The following AADACL4 variants were observed in gnomAD, a reference collection of about 807,000 sequenced individuals.
The protein encoded by AADACL4 is arylacetamide deacetylase like 4.
A neutral mutation model predicts 14.1 loss-of-function variants in AADACL4; 9 were observed. The observed-to-expected ratio is 0.64, with a 90% CI of 0.39 to 1.12. The LOEUF (loss-of-function observed/expected upper bound fraction) is 1.12. Ranked by LOEUF, AADACL4 falls within the 50% of genes most tolerant of loss-of-function variation. AADACL4 has a pLI of 0.01. For synonymous variants in AADACL4, 188 were observed against 201.6 expected (o/e 0.93, Z 0.57); for missense variants, 531 against 516.1 (o/e 1.03, Z -0.28).
At chr1:12,654,697 C>T (rs937199912) in intron 2 of AADACL4, among the ~76,000 whole-genome samples, 1 of 152,180 alleles carries the variant, frequency 6.6e-6, no homozygotes, top group African/African-American at 2.4e-5. Context: ...GCAAAAATCT[C>T]AGGATAAGGT....
intron 1 of AADACL4, among the ~76,000 whole-genome samples, chr1:12,647,963 C>T (rs113553415): frequency 0.073 from 11,091 of 151,664 alleles, 661 homozygotes; most frequent in African/African-American, 0.16. Flanking sequence ...CAGCCACTAT[C>T]GCTTTTCTGT....
chr1:12,650,167 ACT>A (rs1647136378), intron 1 of AADACL4, among the ~76,000 whole-genome samples: 1 of 152,150 alleles, frequency 6.6e-6, no homozygotes, highest in East Asian at 1.9e-4. Flanking sequence ...ACAAAGACAC[ACT>A]CCAAATGTGA....
chr1:12,666,192 A>C lies in AADACL4; in HGVS notation c.681A>C (p.Ala227=). The C allele has an allele frequency of 6.2e-7, 1 of 1,614,274 alleles. No individual in the cohort carries two copies. The highest frequency in any genetic ancestry group is 8.5e-7 in the Non-Finnish European group (1 of 1,180,050). ...AQVLIYPVVQ[A]FCLQLPSFQQ... is the part of the protein sequence containing the mutation. ...TTCTGATTTATCCAGTTGTCCAGGC[A>C]TTCTGTTTGCAGTTGCCATCCTTTC... is the stretch of plus-strand genomic sequence containing the variant. The change falls in exon 4 of 4, where the codon GCA becomes GCC. Residue 227 remains alanine (A), a synonymous_variant. Transcript: ENST00000376221.
intron 1 of AADACL4, among the ~76,000 whole-genome samples, chr1:12,645,646 G>A (rs890615016): frequency 5.3e-5 from 8 of 152,142 alleles, no homozygotes; most frequent in East Asian, 1.9e-4. Context: ...GGGCTCAAGC[G>A]ATCCTTTCCA....
chr1:12,651,699 T>C (rs953051249), intron 2 of AADACL4, among the ~76,000 whole-genome samples: 2 of 152,080 alleles, frequency 1.3e-5, no homozygotes, highest in African/African-American at 2.4e-5. Context: ...CCTCTAGCTC[T>C]GCAGTATCAT....
chr1:12,652,228 G>A (rs1049445030), intron 2 of AADACL4, among the ~76,000 whole-genome samples: 5 of 152,026 alleles, frequency 3.3e-5, no homozygotes, highest in Admixed American at 6.6e-5. Context: ...AGCCTCACCC[G>A]GGTCACCTGT....
intron 2 of AADACL4, among the ~76,000 whole-genome samples, chr1:12,657,744 CA>C (rs1647189505): frequency 6.6e-6 from 1 of 152,032 alleles, no homozygotes; most frequent in African/African-American, 2.4e-5. Context: ...ATTCTGGGAC[CA>C]AAATGGGTGT....
rs143098603 is a variant in AADACL4 at position 12,654,133 on chromosome 1, A to G, written c.385+2794A>G. On this transcript the variant is annotated intron_variant, in intron 2 of 3. Transcript: ENST00000376221. Reference sequence around the variant, plus strand: ...GAAACCATCCATAAGATCTAATACCATGAACCAATTGGTGTCTCCCAGTAT... The same window carrying G: ...GAAACCATCCATAAGATCTAATACCGTGAACCAATTGGTGTCTCCCAGTAT... Among the ~76,000 whole-genome samples the G allele has an allele frequency of 2.3e-3, 356 of 152,330 alleles. 4 individuals are homozygous for G. Among genetic ancestry groups the G allele is most frequent in the African/African-American group, 8.1e-3 (335 of 41,576 alleles).
At chr1:12,646,513 G>A (rs77842672) in intron 1 of AADACL4, among the ~76,000 whole-genome samples, 5,420 of 152,290 alleles carry the variant, frequency 0.036, 99 homozygotes, top group Middle Eastern at 0.071. Context: ...GAAAGTACTC[G>A]TGTCCTCTCA....
intron 1 of AADACL4, among the ~76,000 whole-genome samples, chr1:12,649,259 A>T (rs1647130431): frequency 1.3e-5 from 2 of 152,218 alleles, no homozygotes. Context: ...TGGATATGAA[A>T]GTCAGTTTGG....
At position 12,666,213 on chromosome 1, in the gene AADACL4, C is replaced by G; in HGVS notation, c.702C>G (p.Ser234=). Residue 234 remains serine, a synonymous_variant, in exon 4 of 4, where the codon TCC becomes TCG. Coordinates refer to ENST00000376221, the MANE Select transcript of AADACL4 (RefSeq NM_001013630.2). ...AGGCATTCTGTTTGCAGTTGCCATC[C>G]TTTCAGCAGAACCAAAATGTCCCAT... ...VVQAFCLQLP[S]FQQNQNVPLL... 1 of 1,614,254 alleles carries G rather than the reference C, an allele frequency of 6.2e-7. No individual in the cohort carries two copies. Among genetic ancestry groups the G allele is most frequent in the Non-Finnish European group, 8.5e-7 (1 of 1,180,050 alleles).
chr1:12,650,823 G>A (rs1378208179), intron 1 of AADACL4, among the ~76,000 whole-genome samples: 4 of 152,276 alleles, frequency 2.6e-5, no homozygotes, highest in African/African-American at 4.8e-5. Context: ...GAGCCACTGC[G>A]CCCGGCCAAC....
chr1:12,658,745 A>C (rs1311949393), intron 2 of AADACL4, among the ~76,000 whole-genome samples: 4 of 111,510 alleles, frequency 3.6e-5, no homozygotes, highest in Admixed American at 1.0e-4. Context: ...CCTGCCCTGC[A>C]CCCGTTTCCA....
Position 12,666,139 on chromosome 1 carries a change from T to C in AADACL4, c.628T>C (p.Ser210Pro), listed in dbSNP as rs771254445. 1.9e-6 allele frequency: 3 copies of C among 1,614,102 alleles called. No homozygotes were observed. The Admixed American group carries it at 5.0e-5, about 27-fold the overall frequency. Reference sequence around the variant, plus strand: ...CATCACCCAGGCCTTGGTGGGCAGATCAGATCTTCCCCGGATCCGGGCTCA... The same window carrying C: ...CATCACCCAGGCCTTGGTGGGCAGACCAGATCTTCCCCGGATCCGGGCTCA... ...AAITQALVGR[S>P]DLPRIRAQVL... Residue 210 changes from serine (S) to proline (P), a missense_variant, in exon 4 of 4, where the codon TCA (serine) becomes CCA (proline). Transcript: ENST00000376221.
chr1:12,657,841 C>T (rs924424827), intron 2 of AADACL4, among the ~76,000 whole-genome samples: 5 of 152,102 alleles, frequency 3.3e-5, no homozygotes, highest in South Asian at 2.1e-4. Context: ...AGGTCAAATC[C>T]GGTGCCATGT....
chr1:12,657,222 T>C (rs533184671), intron 2 of AADACL4, among the ~76,000 whole-genome samples: 1 of 151,762 alleles, frequency 6.6e-6, no homozygotes, highest in East Asian at 1.9e-4. Flanking sequence ...TCATCTCTGC[T>C]TGTGACCCAT....
intron 2 of AADACL4, 29 bp from the exon 3 acceptor site, chr1:12,661,762 C>T (rs777027803): frequency 1.2e-6 from 2 of 1,610,942 alleles, no homozygotes; most frequent in Non-Finnish European, 1.7e-6. Flanking sequence ...TACTCATGCG[C>T]TGCTGCTCTG....
At chr1:12,665,371 C>T (rs375440383) in intron 3 of AADACL4, among the ~76,000 whole-genome samples, 55 of 152,202 alleles carry the variant, frequency 3.6e-4, no homozygotes, top group African/African-American at 1.3e-3. Context: ...TATAGGCGCC[C>T]GCCACCACGC....
chr1:12,658,067 C>CTCTT (rs140233824), intron 2 of AADACL4, among the ~76,000 whole-genome samples: 2,636 of 137,342 alleles, frequency 0.019, 54 homozygotes, highest in South Asian at 0.038. Flanking sequence ...CTTTCTTTTT[C>CTCTT]TCTTTCTTTC....
Sources: allele counts gnomAD v4.1 joint callset (sites outside exome capture counted in the v4.1 genomes callset), GRCh38; gene constraint gnomAD v4.1.1; transcripts MANE v1.5; gene names NCBI Gene and HGNC (gene_info 2026-07-23, HGNC 2026-07-21).